Variants in LAMB1 observed in about 807,000 individuals in gnomAD.
The protein encoded by LAMB1 is laminin subunit beta-1.
LAMB1 carries 121 observed loss-of-function variants against 222.3 expected under a neutral mutation model. That is an observed-to-expected ratio of 0.54 (90% CI 0.47 to 0.63). The LOEUF (loss-of-function observed/expected upper bound fraction) is 0.63, where lower values mean the gene tolerates loss of function less well. Among genes scored for constraint, LAMB1 ranks in the 30% least tolerant of loss-of-function variants. LAMB1 has a pLI of 0.00. For missense variants in LAMB1, 2,172 were observed against 2,240.8 expected, an observed-to-expected ratio of 0.97 and a Z score of 0.62; for synonymous variants, 794 against 807.2, an observed-to-expected ratio of 0.98 and a Z score of 0.28.
At chr7:107,933,342 A>G (rs1337986593) in intron 27 of LAMB1, among the ~76,000 whole-genome samples, 3 of 152,212 alleles carry the variant, frequency 2.0e-5, no homozygotes, top group Admixed American at 1.3e-4. Context: ...AAGTACAAAA[A>G]AGTAGTTTTT....
chr7:107,980,877 T>A, intron 7 of LAMB1, 66 bp from the exon 8 acceptor site: 1 of 942,112 alleles, frequency 1.1e-6, no homozygotes, highest in Non-Finnish European at 1.6e-6. Context: ...TTTTTTTCCT[T>A]GCATCATTTC....
chr7:107,982,725 G>A (rs1336928710), intron 7 of LAMB1, among the ~76,000 whole-genome samples: 1 of 152,116 alleles, frequency 6.6e-6, no homozygotes, highest in Admixed American at 6.6e-5. Context: ...TATTTAAAAA[G>A]CGAGCCTCAT....
In LAMB1 at chr7:107,935,403, C is replaced by G; in HGVS notation, c.4188+12G>C. 1 of 1,578,738 alleles carries G rather than the reference C, an allele frequency of 6.3e-7. No individual in the cohort carries two copies. On this transcript the variant is annotated intron_variant, in intron 27 of 33. Coordinates refer to ENST00000222399, the MANE Select transcript of LAMB1 (RefSeq NM_002291.3). ...GGCACCATAGCAGTAAGGCCACATC[C>G]CCAAACCTTACCATTTCGGCAGCGG...
rs372009526 is a variant in LAMB1 at position 107,940,037 on chromosome 7, G to A, written c.3713C>T (p.Pro1238Leu). The A allele has an allele frequency of 1.9e-5, 31 of 1,614,080 alleles. No individual in the cohort carries two copies. The Middle Eastern group carries it at 8.2e-4, about 43-fold the overall frequency. ...AATGTTTTTCAGTGGCTCTGCTGCG[G>A]GGCTCTGCGCCAGGATGTCTTTTAT... ...SEIKDILAQSPAAEPLKNIGN... is the reference protein window; with the variant it reads ...SEIKDILAQSLAAEPLKNIGN... Residue 1238 changes from proline (P) to leucine (L), a missense_variant, in exon 25 of 34, where the codon CCC becomes CTC. Pro to Leu is a moderately conservative substitution (Grantham distance 98). Transcript: ENST00000222399.
chr7:107,964,725 G>C, intron 13 of LAMB1, 38 bp from the exon 14 acceptor site: 1 of 1,608,682 alleles, frequency 6.2e-7, no homozygotes, highest in African/African-American at 1.3e-5. Flanking sequence ...TGAGTTCATG[G>C]TCACGCGAGT....
In LAMB1 at chr7:107,929,070, T is replaced by A. The variant is rs201543413; in HGVS notation, c.4881A>T (p.Leu1627Phe). 6.2e-7 allele frequency: 1 copy of A among 1,613,940 alleles called. No individual in the cohort carries two copies. The highest frequency in any genetic ancestry group is 2.2e-5 in the East Asian group (1 of 44,862). ...AATGATTGTGTATGCCTACCGAAGT[T>A]AACAGGTTCTGGGTTCCTTGAATGT... ...DEDIQGTQNL[L>F]TSIESETAAS... The change falls in exon 31 of 34, where the codon TTA (leucine) becomes TTT (phenylalanine). Residue 1627 changes from leucine (L) to phenylalanine (F), a missense_variant. Physicochemically the swap from Leu to Phe is conservative, Grantham distance 22. Transcript: ENST00000222399.
At chr7:107,925,553 C>G (rs748211547) in intron 32 of LAMB1, among the ~76,000 whole-genome samples, 3 of 151,986 alleles carry the variant, frequency 2.0e-5, no homozygotes, top group Non-Finnish European at 2.9e-5. Flanking sequence ...TGGTTTTAAG[C>G]CCCACCCCGG....
At chr7:107,984,498 T>C (rs2034036301) in intron 7 of LAMB1, among the ~76,000 whole-genome samples, 1 of 152,232 alleles carries the variant, frequency 6.6e-6, no homozygotes, top group Admixed American at 6.5e-5. Context: ...TCCGCCTGCC[T>C]TGGCCTCCCA....
intron 4 of LAMB1, among the ~76,000 whole-genome samples, chr7:107,996,565 C>T (rs1162613794): frequency 3.3e-5 from 5 of 152,180 alleles, no homozygotes; most frequent in Non-Finnish European, 7.4e-5. Flanking sequence ...GGTATAGTAA[C>T]AATCAGTCTG....
At chr7:107,941,373 A>G (rs1188815501) in intron 24 of LAMB1, among the ~76,000 whole-genome samples, 1 of 152,236 alleles carries the variant, frequency 6.6e-6, no homozygotes, top group East Asian at 1.9e-4. Flanking sequence ...GCTTCCACCC[A>G]TTCTGAGGAA....
At chr7:107,938,152 A>T (rs1183276236) in intron 25 of LAMB1, among the ~76,000 whole-genome samples, 3 of 152,228 alleles carry the variant, frequency 2.0e-5, no homozygotes, top group Non-Finnish European at 2.9e-5. Flanking sequence ...GCGATATAAT[A>T]GTATAAAAAA....
rs1369520411 is a variant in LAMB1 at position 107,932,905 on chromosome 7, TATGA to T, written c.4189-532_4189-529del. On this transcript the variant is annotated intron_variant, in intron 27 of 33. Coordinates refer to ENST00000222399, the MANE Select transcript of LAMB1 (RefSeq NM_002291.3). Reference sequence around the variant, plus strand: ...CCAAGAATAGGTCAGATGCAGTCACTATGAAAGAAAGTAGACAAAGGAGAGACTG... The same window carrying T: ...CCAAGAATAGGTCAGATGCAGTCACTAAGAAAGTAGACAAAGGAGAGACTG... Among the ~76,000 whole-genome samples the T allele has an allele frequency of 8.5e-5, 13 of 152,306 alleles. No individual in the cohort carries two copies. The South Asian group carries it at 2.7e-3, about 32-fold the overall frequency.
At chr7:107,941,809 C>CCACCACA (rs2032988266) in intron 24 of LAMB1, among the ~76,000 whole-genome samples, 1 of 141,510 alleles carries the variant, frequency 7.1e-6, no homozygotes, top group Admixed American at 7.3e-5. Flanking sequence ...CAGGCATGCG[C>CCACCACA]CACCACACCC....
Position 107,935,645 on chromosome 7 carries a change from T to C in LAMB1, c.3958A>G (p.Ser1320Gly). Residue 1320 changes from serine (S) to glycine (G), a missense_variant, in exon 27 of 34, where the codon AGC (serine) becomes GGC (glycine). By Grantham distance (56) the Ser-to-Gly change is moderately conservative. Coordinates refer to ENST00000222399, the MANE Select transcript of LAMB1 (RefSeq NM_002291.3). Reference sequence around the variant, plus strand: ...GACATCTGGAAATACTTGGTAATGCTATCCAAGGCACCTAGGGTAGGAAAT... The same window carrying C: ...GACATCTGGAAATACTTGGTAATGCCATCCAAGGCACCTAGGGTAGGAAAT... ...KNSDIRGALD[S>G]ITKYFQMSLE... 3 of 1,613,902 alleles carry C rather than the reference T, an allele frequency of 1.9e-6. No individual in the cohort carries two copies. Among genetic ancestry groups the C allele is most frequent in the East Asian group, 2.2e-5 (1 of 44,880 alleles).
chr7:107,951,190 T>C (rs1371535219), intron 24 of LAMB1, 36 bp downstream of exon 24: 1 of 1,521,140 alleles, frequency 6.6e-7, no homozygotes, highest in South Asian at 1.1e-5. Context: ...CCCTCCACTC[T>C]CTGATCAAGT....
At chr7:107,991,253 AT>A (rs765122658) in intron 5 of LAMB1, among the ~76,000 whole-genome samples, 1 of 152,174 alleles carries the variant, frequency 6.6e-6, no homozygotes, top group African/African-American at 2.4e-5. Context: ...ATAGTGGCAA[AT>A]TTTGGCAAGA....
In LAMB1 at chr7:107,926,113, T is replaced by TA. The variant is rs2032557345; in HGVS notation, c.5064+69dup. The TA allele has an allele frequency of 9.1e-5, 113 of 1,235,816 alleles. 1 individual carries two copies. The South Asian group carries it at 1.4e-3, about 15-fold the overall frequency. The allele number at this position is 1,235,816 out of a possible 1,614,324, so 76.6% of individuals were successfully genotyped here. On this transcript the variant is annotated intron_variant, in intron 32 of 33. Coordinates refer to ENST00000222399, the MANE Select transcript of LAMB1 (RefSeq NM_002291.3). ...TCTGTTAGGTCCATGTCCCTTACTC[T>TA]AAGGCAGGCAAGGAGGAGACTGGTG...
Position 107,931,517 on chromosome 7 carries a change from A to G in LAMB1, c.4393-17T>C, listed in dbSNP as rs200616878. ...TTCAGAGACCTAAATATGAAGAATA[A>G]ATTACCCAGGGAAGACTTTCATTCT... is the stretch of plus-strand genomic sequence containing the variant. On this transcript the variant is annotated splice_polypyrimidine_tract_variant and intron_variant, in intron 28 of 33. Coordinates refer to ENST00000222399, the MANE Select transcript of LAMB1 (RefSeq NM_002291.3). 2.1e-5 allele frequency: 34 copies of G among 1,610,042 alleles called. No homozygotes were observed. In the East Asian group the frequency reaches 7.6e-4, roughly 36 times the overall value.
intron 27 of LAMB1, among the ~76,000 whole-genome samples, chr7:107,933,163 G>A (rs1046366986): frequency 6.6e-6 from 1 of 152,140 alleles, no homozygotes; most frequent in East Asian, 1.9e-4. Flanking sequence ...GCATACAAAT[G>A]CAAATTGATA....
Sources: gnomAD v4.1 joint callset for allele counts (sites outside exome capture counted in the v4.1 genomes callset) on GRCh38, gnomAD v4.1.1 for gene constraint, MANE v1.5 for transcripts, NCBI Gene and HGNC (gene_info 2026-07-23, HGNC 2026-07-21) for gene names.